ADCY3: variants seen among roughly 807,000 people sequenced by gnomAD.
ADCY3 encodes adenylate cyclase 3, also known as adenylate cyclase type 3.
ADCY3 carries 70 observed loss-of-function variants against 119.4 expected under a neutral mutation model. The ratio of observed to expected loss-of-function variants is 0.59; its 90% confidence interval spans 0.48 to 0.72. The LOEUF (loss-of-function observed/expected upper bound fraction) is 0.72. Among genes scored for constraint, ADCY3 ranks in the 30% least tolerant of loss-of-function variants. ADCY3 has a pLI of 0.00. For synonymous variants in ADCY3, 672 were observed against 621.4 expected, an observed-to-expected ratio of 1.08 and a Z score of -1.21; for missense variants, 1,238 against 1,541.6, an observed-to-expected ratio of 0.80 and a Z score of 3.30.
At chr2:24,850,740 C>A (rs1220142332) in intron 3 of ADCY3, among the ~76,000 whole-genome samples, 1 of 152,170 alleles carries the variant, frequency 6.6e-6, no homozygotes, top group South Asian at 2.1e-4. Context: ...AACTGTAAGT[C>A]GCCCAAATAC....
rs1350439212 is a variant in ADCY3, at chr2:24,878,069, A to G, written c.676-5350T>C. ...GGGGTCTCTATTTATAGATCTTTTT[A>G]CAAGTTTCTTAATCCTAAAGTTTTC... On this transcript the variant is annotated intron_variant, in intron 2 of 21. Coordinates refer to ENST00000679454, the MANE Select transcript of ADCY3 (RefSeq NM_004036.5). The surrounding 1 kb of genome is among the most constrained non-coding windows in gnomAD (Gnocchi z 4.0). 3.5e-6 allele frequency: 1 copy of G among 286,566 alleles called. No individual in the cohort carries two copies. The highest frequency in any genetic ancestry group is 2.2e-5 in the African/African-American group (1 of 44,880). The allele number at this position is 286,566 out of a possible 1,614,324, so 17.8% of individuals were successfully genotyped here.
At position 24,872,809 on chromosome 2, in the gene ADCY3, G is replaced by C; in HGVS notation, c.676-90C>G. The C allele has an allele frequency of 6.7e-7, 1 of 1,485,220 alleles. No homozygotes were observed. Among genetic ancestry groups the C allele is most frequent in the Middle Eastern group, 1.8e-4 (1 of 5,592 alleles). 92.0% of individuals were successfully genotyped at this position (1,485,220 alleles called of 1,614,324 possible). A position where few individuals can be genotyped will look rare whatever the true frequency, so the allele number is the denominator to read the frequency against. ...GAGAAGGGGATGGAGGAGGTGGGGT[G>C]GGTGGTGACCAAAATCAAACCTCAA... On this transcript the variant is annotated intron_variant, in intron 2 of 21. Transcript: ENST00000679454. This position sits in a 1 kb window ranked among gnomAD's most constrained non-coding sequence, Gnocchi z 4.4.
intron 2 of ADCY3, among the ~76,000 whole-genome samples, chr2:24,900,394 G>A (rs1249867720): frequency 1.3e-5 from 2 of 151,604 alleles, no homozygotes; most frequent in Non-Finnish European, 2.9e-5. Context: ...AAATGTTTAT[G>A]TAGACAATAG....
rs1287610439 is a variant in ADCY3 at position 24,841,252 on chromosome 2, C to A, written c.1196+7G>T. 3.2e-6 allele frequency: 5 copies of A among 1,553,478 alleles called. No individual in the cohort carries two copies. The South Asian group carries it at 5.9e-5, about 18-fold the overall frequency. On this transcript the variant is annotated splice_region_variant and intron_variant, in intron 6 of 21. Transcript: ENST00000679454. The surrounding 1 kb of genome is among the most constrained non-coding windows in gnomAD (Gnocchi z 5.8). ...GGGAGCCTCCCTCCCAGAGGCATCC[C>A]ACTTACGAGATGGCCTCCACCATGG... is the stretch of plus-strand genomic sequence containing the variant.
intron 3 of ADCY3, among the ~76,000 whole-genome samples, chr2:24,859,719 A>C (rs916484): frequency 0.32 from 49,306 of 152,078 alleles, 8,150 homozygotes; most frequent in South Asian, 0.4. Flanking sequence ...TAAGACCGGC[A>C]TGAAGGAAAA....
intron 3 of ADCY3, among the ~76,000 whole-genome samples, chr2:24,860,965 T>A (rs1184850538): frequency 2.6e-5 from 4 of 152,130 alleles, no homozygotes; most frequent in Admixed American, 2.6e-4. Context: ...GAAAACAAGA[T>A]AAATAGCCGA....
rs1352752470 is a variant in ADCY3, at chr2:24,878,371, C to T, written c.676-5652G>A. Reference sequence around the variant, plus strand: ...ATGGGGCTGCTCTAAGTGGGACTGTCGAGTGGAAGTCACCCCACTGGAGGC... The same window carrying T: ...ATGGGGCTGCTCTAAGTGGGACTGTTGAGTGGAAGTCACCCCACTGGAGGC... On this transcript the variant is annotated intron_variant, in intron 2 of 21. Transcript: ENST00000679454. This position sits in a 1 kb window ranked among gnomAD's most constrained non-coding sequence, Gnocchi z 4.0. 2.0e-5 allele frequency among the ~76,000 whole-genome samples: 3 copies of T among 152,088 alleles called. No individual in the cohort carries two copies. The highest frequency in any genetic ancestry group is 4.4e-5 in the Non-Finnish European group (3 of 68,026).
chr2:24,854,958 G>A (rs112009225), intron 3 of ADCY3, among the ~76,000 whole-genome samples: 5 of 152,260 alleles, frequency 3.3e-5, no homozygotes, highest in African/African-American at 9.6e-5. Context: ...GCTGAAACAC[G>A]AGAATCGCTT....
intron 2 of ADCY3, among the ~76,000 whole-genome samples, chr2:24,894,011 T>C (rs1677981436): frequency 6.6e-6 from 1 of 152,232 alleles, no homozygotes; most frequent in South Asian, 2.1e-4. Flanking sequence ...CTGTTCTTTG[T>C]TCCTTTTTCC....
At chr2:24,882,561 TC>T (rs1676522872) in intron 2 of ADCY3, among the ~76,000 whole-genome samples, 1 of 152,188 alleles carries the variant, frequency 6.6e-6, no homozygotes, top group South Asian at 2.1e-4. Flanking sequence ...CATTATTTAG[TC>T]ACCTTGGTCT....
intron 2 of ADCY3, among the ~76,000 whole-genome samples, chr2:24,911,611 T>C (rs1203389986): frequency 7.6e-6 from 1 of 131,164 alleles, no homozygotes; most frequent in South Asian, 2.4e-4. Context: ...GATAGCATCA[T>C]TGCACTCCAG....
At chr2:24,829,312 C>T (rs557477005) in intron 13 of ADCY3, among the ~76,000 whole-genome samples, 11 of 152,008 alleles carry the variant, frequency 7.2e-5, no homozygotes, top group South Asian at 6.2e-4. Context: ...CCACCGCGCC[C>T]GGCCCCCCAC....
chr2:24,856,173 T>G (rs573277072), intron 3 of ADCY3, among the ~76,000 whole-genome samples: 1 of 152,164 alleles, frequency 6.6e-6, no homozygotes, highest in South Asian at 2.1e-4. Context: ...TGAGTGTGAA[T>G]GTGGAGAGTG....
rs1667190139 is a variant in ADCY3, at chr2:24,819,428, T to G, written c.*504A>C. ...GTTCTCATGACTAAGGGGACAGGAG[T>G]TCCAGAAGAACCTTTCAAGATGATC... On this transcript the variant is annotated 3_prime_UTR_variant, in exon 22 of 22. Coordinates refer to ENST00000679454, the MANE Select transcript of ADCY3 (RefSeq NM_004036.5). 6.5e-6 allele frequency: 1 copy of G among 152,774 alleles called. No homozygotes were observed. Among genetic ancestry groups the G allele is most frequent in the Non-Finnish European group, 1.5e-5 (1 of 68,294 alleles). 9.5% of individuals were successfully genotyped at this position (152,774 alleles called of 1,614,324 possible).
intron 2 of ADCY3, among the ~76,000 whole-genome samples, chr2:24,914,569 G>A (rs1212209483): frequency 1.3e-5 from 2 of 152,040 alleles, no homozygotes; most frequent in African/African-American, 4.8e-5. Flanking sequence ...CAGGTACTTG[G>A]GAGGCTGAGG....
chr2:24,843,062 G>C (rs1471841610), intron 3 of ADCY3, among the ~76,000 whole-genome samples: 2 of 152,210 alleles, frequency 1.3e-5, no homozygotes, highest in African/African-American at 4.8e-5. Flanking sequence ...ACGCGACGCT[G>C]AGGGCACTCC....
At chr2:24,830,184 G>C (rs1234910231) in intron 13 of ADCY3, among the ~76,000 whole-genome samples, 2 of 151,146 alleles carry the variant, frequency 1.3e-5, no homozygotes, top group East Asian at 3.9e-4. Flanking sequence ...GGGATTACAG[G>C]TGTGCACCAC....
intron 16 of ADCY3, among the ~76,000 whole-genome samples, chr2:24,824,851 C>T (rs1032865394): frequency 7.2e-5 from 11 of 152,266 alleles, no homozygotes; most frequent in East Asian, 5.8e-4. Context: ...GATCGCACCA[C>T]TGCACTCCAG....
At chr2:24,822,469 T>G in intron 19 of ADCY3, 42 bp downstream of exon 19, 1 of 1,601,750 alleles carries the variant, frequency 6.2e-7, no homozygotes, top group Non-Finnish European at 8.5e-7. Context: ...TCTCTTGCCT[T>G]GGGGGCAGAG....
Sources: gnomAD v4.1 joint callset for allele counts (sites outside exome capture counted in the v4.1 genomes callset) on GRCh38, gnomAD v4.1.1 for gene constraint, Gnocchi (gnomAD v3.1) non-coding constraint, MANE v1.5 for transcripts, NCBI Gene and HGNC (gene_info 2026-07-23, HGNC 2026-07-21) for gene names.